Variants in SLC35F3 observed in about 807,000 individuals in gnomAD.
SLC35F3 encodes putative thiamine transporter SLC35F3.
SLC35F3 carries 25 observed loss-of-function variants against 49.9 expected under a neutral mutation model. That is an observed-to-expected ratio of 0.50 (90% CI 0.37 to 0.70). The LOEUF is 0.70. Among genes scored for constraint, SLC35F3 ranks in the 30% least tolerant of loss-of-function variants. The probability of loss-of-function intolerance (pLI) is 0.00; values close to 1 mark genes in which losing one functional copy is unlikely to be tolerated. For synonymous variants in SLC35F3, 275 were observed against 265.4 expected (o/e 1.04, Z -0.35); for missense variants, 525 against 639.8 (o/e 0.82, Z 1.94).
At chr1:234,239,684 G>A (rs1204173943) in intron 3 of SLC35F3, among the ~76,000 whole-genome samples, 1 of 152,256 alleles carries the variant, frequency 6.6e-6, no homozygotes, top group African/African-American at 2.4e-5. Flanking sequence ...GAAGGAACCT[G>A]GAGGCGGTGC....
At chr1:234,009,466 T>A (rs775769174) in intron 2 of SLC35F3, among the ~76,000 whole-genome samples, 1 of 152,210 alleles carries the variant, frequency 6.6e-6, no homozygotes, top group Non-Finnish European at 1.5e-5. Flanking sequence ...AATTTTCTTT[T>A]AATTTGCTTA....
At chr1:234,268,435 A>C (rs1470472276) in intron 3 of SLC35F3, 2 of 152,104 alleles carry the variant, frequency 1.3e-5, no homozygotes, top group Non-Finnish European at 2.9e-5. Context: ...CATCAGAGGG[A>C]GACCGTGGAA....
chr1:234,073,371 C>T (rs1197274396), intron 2 of SLC35F3, among the ~76,000 whole-genome samples: 2 of 152,134 alleles, frequency 1.3e-5, no homozygotes, highest in East Asian at 1.9e-4. Context: ...GTCCTGAAAT[C>T]CTGGGCTCAA....
At position 234,213,442 on chromosome 1, in the gene SLC35F3, TC is replaced by T. The variant is rs1297993705; in HGVS notation, c.284-17973del. The T allele has an allele frequency of 2.0e-5, 3 of 152,416 alleles. No individual in the cohort carries two copies. In the South Asian group the frequency reaches 6.2e-4, roughly 32 times the overall value. 9.4% of individuals were successfully genotyped at this position (152,416 alleles called of 1,614,324 possible). A position where few individuals can be genotyped will look rare whatever the true frequency, so the allele number is the denominator to read the frequency against. ...TCTGGGGCTGCATGAGCCCTGTGTG[TC>T]CTACCTGCAGGGATGATAGCAGGGC... On this transcript the variant is annotated intron_variant, in intron 2 of 7. Transcript: ENST00000366618.
At chr1:234,009,136 A>G (rs1558204131) in intron 2 of SLC35F3, among the ~76,000 whole-genome samples, 1 of 152,212 alleles carries the variant, frequency 6.6e-6, no homozygotes, top group African/African-American at 2.4e-5. Flanking sequence ...TTTCCTATCT[A>G]TCGAAAAAAA....
chr1:234,075,913 A>T (rs983333504), intron 2 of SLC35F3, among the ~76,000 whole-genome samples: 7 of 152,292 alleles, frequency 4.6e-5, no homozygotes, highest in African/African-American at 1.7e-4. Context: ...CAACTTGTGG[A>T]TTACCACACC....
At chr1:233,950,563 C>A (rs912346089) in intron 2 of SLC35F3, among the ~76,000 whole-genome samples, 1 of 148,580 alleles carries the variant, frequency 6.7e-6, no homozygotes, top group Non-Finnish European at 1.5e-5. Flanking sequence ...TCCTCCTTCT[C>A]CCCTGCTTCT....
chr1:234,267,883 C>G (rs1668020773), intron 3 of SLC35F3, among the ~76,000 whole-genome samples: 1 of 133,770 alleles, frequency 7.5e-6, no homozygotes, highest in South Asian at 2.3e-4. Flanking sequence ...GTGCTCCCCA[C>G]ATCTCAGACG....
chr1:234,285,879 A>G (rs1398275982), intron 3 of SLC35F3, among the ~76,000 whole-genome samples: 1 of 152,176 alleles, frequency 6.6e-6, no homozygotes. Context: ...GTTGAAAGTA[A>G]GGCAGGTAGG....
chr1:233,939,711 C>T (rs145614557), intron 2 of SLC35F3, among the ~76,000 whole-genome samples: 1 of 152,276 alleles, frequency 6.6e-6, no homozygotes, highest in African/African-American at 2.4e-5. Flanking sequence ...ATCCCTGCTC[C>T]TGGCACTTAT....
At chr1:234,314,747 G>C (rs1657443482) in intron 4 of SLC35F3, among the ~76,000 whole-genome samples, 1 of 152,178 alleles carries the variant, frequency 6.6e-6, no homozygotes, top group South Asian at 2.1e-4. Context: ...GGGCAACAAA[G>C]CAAGAATCCA....
chr1:234,198,185 A>G (rs1022553415), intron 2 of SLC35F3, among the ~76,000 whole-genome samples: 1 of 152,260 alleles, frequency 6.6e-6, no homozygotes, highest in Non-Finnish European at 1.5e-5. Context: ...CAGGTAAGAA[A>G]TGATTTCCTG....
rs577468392 is a variant in SLC35F3, at chr1:233,932,518, T to G, written c.283+26760T>G. Among the ~76,000 whole-genome samples, 3 of 152,312 alleles carry G rather than the reference T, an allele frequency of 2.0e-5. No individual in the cohort carries two copies. The South Asian group carries it at 6.2e-4, about 32-fold the overall frequency. On this transcript the variant is annotated intron_variant, in intron 2 of 7. Coordinates refer to ENST00000366618, the MANE Select transcript of SLC35F3 (RefSeq NM_173508.4). The stretch of plus-strand genomic sequence containing the variant: ...GACTGGGAAGAGGTGTGTGGAAGCC[T>G]TCTTTCTGGGGTGGCAGAAATCTAT...
chr1:234,143,288 C>CTTTTCTT (rs1478216426), intron 2 of SLC35F3, among the ~76,000 whole-genome samples: 1,636 of 123,428 alleles, frequency 0.013, 59 homozygotes, highest in African/African-American at 0.051. Context: ...CTTTTCTTTT[C>CTTTTCTT]TTTTTTTTTT....
chr1:234,067,678 C>T (rs1387746920), intron 2 of SLC35F3, among the ~76,000 whole-genome samples: 1 of 152,174 alleles, frequency 6.6e-6, no homozygotes, highest in Non-Finnish European at 1.5e-5. Context: ...AGCCAATAGC[C>T]AGCACCACCA....
At chr1:233,932,894 A>G (rs1055062866) in intron 2 of SLC35F3, among the ~76,000 whole-genome samples, 8 of 152,230 alleles carry the variant, frequency 5.3e-5, no homozygotes, top group African/African-American at 1.9e-4. Context: ...ATGGAAGCAC[A>G]TCTTATTTTC....
chr1:233,952,828 T>C (rs747990765), intron 2 of SLC35F3, among the ~76,000 whole-genome samples: 1 of 152,074 alleles, frequency 6.6e-6, no homozygotes, highest in Non-Finnish European at 1.5e-5. Flanking sequence ...ATTTTGGGAG[T>C]TGAGGATTTT....
intron 2 of SLC35F3, among the ~76,000 whole-genome samples, chr1:234,000,651 G>T (rs1435141221): frequency 6.6e-6 from 1 of 152,224 alleles, no homozygotes; most frequent in African/African-American, 2.4e-5. Context: ...TGGAACAGAA[G>T]CTAGGAAAGG....
intron 2 of SLC35F3, among the ~76,000 whole-genome samples, chr1:234,004,421 A>G (rs1459794180): frequency 6.6e-6 from 1 of 152,150 alleles, no homozygotes; most frequent in Non-Finnish European, 1.5e-5. Flanking sequence ...TATATTTTCT[A>G]TGTTTATATC....
Sources: gnomAD v4.1 joint callset for allele counts (sites outside exome capture counted in the v4.1 genomes callset) on GRCh38, gnomAD v4.1.1 for gene constraint, MANE v1.5 for transcripts, NCBI Gene and HGNC (gene_info 2026-07-23, HGNC 2026-07-21) for gene names.